Variants in C4orf36 observed in about 807,000 individuals in gnomAD.
The protein encoded by C4orf36 is uncharacterized protein C4orf36.
C4orf36 carries 11 observed loss-of-function variants against 12.2 expected under a neutral mutation model. That is an observed-to-expected ratio of 0.90 (90% CI 0.57 to 1.49). The LOEUF is 1.49. Among genes scored for constraint, C4orf36 ranks in the 40% most tolerant of loss-of-function variants. The pLI, the probability that C4orf36 is intolerant of heterozygous loss-of-function variation, is 0.00. For synonymous variants in C4orf36, 54 were observed against 51.3 expected (o/e 1.05, Z -0.22); for missense variants, 137 against 133.9 (o/e 1.02, Z -0.11).
intron 4 of C4orf36, among the ~76,000 whole-genome samples, chr4:86,877,302 T>C (rs1430061761): frequency 6.6e-6 from 1 of 152,214 alleles, no homozygotes; most frequent in African/African-American, 2.4e-5. Context: ...CTAATATTTA[T>C]GATAATTACT....
At chr4:86,880,779 T>C (rs13120981) in intron 4 of C4orf36, among the ~76,000 whole-genome samples, 60,056 of 152,108 alleles carry the variant, frequency 0.39, 12,508 homozygotes, top group Non-Finnish European at 0.45. Flanking sequence ...CAGTGGCTCA[T>C]GCCTGTAGTC....
the C4orf36 span, among the ~76,000 whole-genome samples, chr4:86,916,088 G>A: frequency 6.6e-6 from 1 of 152,152 alleles, no homozygotes; most frequent in Admixed American, 6.5e-5. Flanking sequence ...AGCAGCCCTA[G>A]GAAAGTAATA....
intron 4 of C4orf36, among the ~76,000 whole-genome samples, chr4:86,884,856 A>G (rs895235670): frequency 2.2e-4 from 33 of 152,134 alleles, no homozygotes; most frequent in African/African-American, 7.7e-4. Context: ...TAAGTCTGTA[A>G]TCCATCTTGA....
chr4:86,925,666 G>C, the C4orf36 span: 1 of 151,908 alleles, frequency 6.6e-6, no homozygotes, highest in Non-Finnish European at 1.5e-5. Context: ...TATGATCCTT[G>C]TTCCTTCATA....
At chr4:86,882,691 G>T (rs1414697157) in intron 4 of C4orf36, among the ~76,000 whole-genome samples, 8 of 152,162 alleles carry the variant, frequency 5.3e-5, no homozygotes, top group African/African-American at 1.9e-4. Context: ...GTGCCCTGTA[G>T]TTCACTTTTG....
the C4orf36 span, among the ~76,000 whole-genome samples, chr4:86,927,626 C>G: frequency 6.6e-6 from 1 of 152,106 alleles, no homozygotes; most frequent in South Asian, 2.1e-4. Flanking sequence ...ATGGTGAAAC[C>G]CTGTCTCTAC....
the C4orf36 span, chr4:86,932,347 CA>C: frequency 0.072 from 8,577 of 118,630 alleles, 639 homozygotes; most frequent in African/African-American, 0.22. Flanking sequence ...AACTTCATAT[CA>C]AAAAAAAAAA....
chr4:86,890,203 G>GGGGGAGGA, intron 2 of C4orf36: 2 of 201,388 alleles, frequency 9.9e-6, no homozygotes, highest in Non-Finnish European at 2.2e-5. Flanking sequence ...GGGAGGGAGG[G>GGGGGAGGA]AGGGAGGAAG....
At chr4:86,917,542 AAAGT>A in the C4orf36 span, among the ~76,000 whole-genome samples, 8 of 133,264 alleles carry the variant, frequency 6.0e-5, no homozygotes, top group East Asian at 4.3e-4. Flanking sequence ...AAGAGAAAGA[AAAGT>A]AAGGAAGGAA....
chr4:86,891,958 G>A, intron 1 of C4orf36: 1 of 991,616 alleles, frequency 1.0e-6, no homozygotes, highest in Non-Finnish European at 1.2e-6. Context: ...CCCGGCCCGG[G>A]CACTTTGAGC....
chr4:86,881,472 A>T (rs558259221), intron 4 of C4orf36, among the ~76,000 whole-genome samples: 24 of 152,196 alleles, frequency 1.6e-4, no homozygotes, highest in Non-Finnish European at 3.4e-4. Context: ...TGGTGGGACC[A>T]TAGGCAGCTA....
chr4:86,892,312 C>T lies in C4orf36; in HGVS notation c.-203G>A, dbSNP rs1343987835. The T allele has an allele frequency of 3.0e-6, 3 of 985,542 alleles. No homozygotes were observed. Among genetic ancestry groups the T allele is most frequent in the Non-Finnish European group, 3.6e-6 (3 of 830,122 alleles). 61.0% of individuals were successfully genotyped at this position (985,542 alleles called of 1,614,324 possible). ...CTCCAGGGGCTCGGAGGGTCGCGGCCGGGGTACTGAGGTAAGAGCGCGCTG... is the reference window on the plus strand; with the variant it reads ...CTCCAGGGGCTCGGAGGGTCGCGGCTGGGGTACTGAGGTAAGAGCGCGCTG... On this transcript the variant is annotated 5_prime_UTR_variant, in exon 1 of 5. Transcript: ENST00000295898.
At chr4:86,926,341 G>C in the C4orf36 span, 4 of 152,288 alleles carry the variant, frequency 2.6e-5, no homozygotes, top group African/African-American at 9.6e-5. Context: ...AAACAAGACA[G>C]GGTTTATTGA....
At position 86,892,419 on chromosome 4, in the gene C4orf36, G is replaced by A; in HGVS notation, c.-310C>T. 1.0e-6 allele frequency: 1 copy of A among 985,464 alleles called. No homozygotes were observed. The highest frequency in any genetic ancestry group is 1.2e-6 in the Non-Finnish European group (1 of 830,000). 61.0% of individuals were successfully genotyped at this position (985,464 alleles called of 1,614,324 possible). A position where few individuals can be genotyped will look rare whatever the true frequency, so the allele number is the denominator to read the frequency against. ...CCTTCCCGCTCGCCGCGGGCGCCGA[G>A]TCTGGGGCTCCTCGCGTCACACGGG... On this transcript the variant is annotated 5_prime_UTR_variant, in exon 1 of 5. Coordinates refer to ENST00000295898, the MANE Select transcript of C4orf36 (RefSeq NM_144645.4).
rs924245021 is a variant in C4orf36, at chr4:86,876,402, C to G, written c.*44G>C. ...GGCGGCCCAGGAGAAGCAGTTCCCG[C>G]CGGCGCTGCTGAGTTTCTTCATCTA... On this transcript the variant is annotated 3_prime_UTR_variant, in exon 5 of 5. Transcript: ENST00000295898. The G allele has an allele frequency of 3.7e-6, 6 of 1,610,948 alleles. No homozygotes were observed. Among genetic ancestry groups the G allele is most frequent in the Non-Finnish European group, 5.1e-6 (6 of 1,178,832 alleles).
At chr4:86,910,968 A>C in the C4orf36 span, among the ~76,000 whole-genome samples, 1 of 152,172 alleles carries the variant, frequency 6.6e-6, no homozygotes, top group African/African-American at 2.4e-5. Flanking sequence ...CTGTAGTCCC[A>C]GCTACTCAGG....
the C4orf36 span, among the ~76,000 whole-genome samples, chr4:86,919,300 TCTG>T: frequency 6.6e-6 from 1 of 150,516 alleles, no homozygotes; most frequent in South Asian, 2.1e-4. Flanking sequence ...ATCTTTCCAT[TCTG>T]CTTTTTTCCC....
chr4:86,891,455 C>T lies in C4orf36; in HGVS notation c.65+1G>A, dbSNP rs1265255813. 6.2e-7 allele frequency: 1 copy of T among 1,613,076 alleles called. No homozygotes were observed. The highest frequency in any genetic ancestry group is 1.3e-5 in the African/African-American group (1 of 74,796). On this transcript the variant is annotated splice_donor_variant, in intron 2 of 4. Coordinates refer to ENST00000295898, the MANE Select transcript of C4orf36 (RefSeq NM_144645.4). LOFTEE classifies it high-confidence loss of function. ...ATTTAAAAAAAAAAAATAGTACTTA[C>T]ACATTATAACAACTGCCCCGCAAAA...
At chr4:86,922,241 ATT>A in the C4orf36 span, among the ~76,000 whole-genome samples, 1 of 152,226 alleles carries the variant, frequency 6.6e-6, no homozygotes, top group South Asian at 2.1e-4. Context: ...AATCTTTTAC[ATT>A]GTTATTAGTT....
Sources: allele counts gnomAD v4.1 joint callset (sites outside exome capture counted in the v4.1 genomes callset), GRCh38; gene constraint gnomAD v4.1.1; transcripts MANE v1.5; gene names NCBI Gene and HGNC (gene_info 2026-07-23, HGNC 2026-07-21).